ROCK1: variants seen among roughly 807,000 people sequenced by gnomAD.
The protein encoded by ROCK1 is rho-associated protein kinase 1.
ROCK1 carries 36 observed loss-of-function variants against 196.8 expected under a neutral mutation model. That is an observed-to-expected ratio of 0.18 (90% CI 0.14 to 0.24). ROCK1 has a LOEUF of 0.24. ROCK1 is among the 10% of genes least tolerant of loss of function. The pLI, the probability that ROCK1 is intolerant of heterozygous loss-of-function variation, is 1.00. For synonymous variants in ROCK1, 443 were observed against 515.9 expected, an observed-to-expected ratio of 0.86 and a Z score of 1.91; for missense variants, 920 against 1,562.0, an observed-to-expected ratio of 0.59 and a Z score of 6.93.
chr18:20,959,150 A>ATATAT (rs2035298028), intron 29 of ROCK1, among the ~76,000 whole-genome samples: 1 of 69,008 alleles, frequency 1.4e-5, no homozygotes, highest in African/African-American at 7.1e-5. Context: ...TATATAAAAT[A>ATATAT]TATATATTAT....
chr18:21,015,571 A>C, intron 12 of ROCK1, 92 bp from the exon 13 acceptor site: 1 of 798,778 alleles, frequency 1.3e-6, no homozygotes, highest in Non-Finnish European at 2.1e-6. Flanking sequence ...CCACTTAACT[A>C]GAGTTTTGTA....
intron 1 of ROCK1, among the ~76,000 whole-genome samples, chr18:21,104,142 A>T (rs1030132985): frequency 6.6e-6 from 1 of 152,218 alleles, no homozygotes; most frequent in Non-Finnish European, 1.5e-5. Flanking sequence ...TTTTTCTATC[A>T]ATTATCGTAA....
rs2035183233 is a variant in ROCK1 at position 20,951,157 on chromosome 18, T to C, written c.*227A>G. ...ATCTACCTAAGCTTTCCCCCAACTG[T>C]ACTTGCATTACATAGTAATAATTAA... On this transcript the variant is annotated 3_prime_UTR_variant, in exon 33 of 33. Coordinates refer to ENST00000399799, the MANE Select transcript of ROCK1 (RefSeq NM_005406.3). 1 of 400,094 alleles carries C rather than the reference T, an allele frequency of 2.5e-6. No individual in the cohort carries two copies. 24.8% of individuals were successfully genotyped at this position (400,094 alleles called of 1,614,324 possible).
intron 10 of ROCK1, among the ~76,000 whole-genome samples, chr18:21,025,398 T>C (rs2035947284): frequency 1.3e-5 from 2 of 152,208 alleles, no homozygotes; most frequent in South Asian, 4.1e-4. Flanking sequence ...TTCAAAATTA[T>C]GCTTACATAT....
At chr18:20,952,110 C>T (rs2035193788) in intron 32 of ROCK1, among the ~76,000 whole-genome samples, 1 of 152,150 alleles carries the variant, frequency 6.6e-6, no homozygotes, top group Non-Finnish European at 1.5e-5. Flanking sequence ...CTGCCTGGTG[C>T]GGTGGCTCAT....
intron 2 of ROCK1, among the ~76,000 whole-genome samples, chr18:21,060,767 A>T (rs1170616587): frequency 2.3e-5 from 3 of 131,516 alleles, no homozygotes. Flanking sequence ...TGAACCTGGG[A>T]GGTGGAGGTT....
rs1363696443 is a variant in ROCK1 at position 20,986,976 on chromosome 18, C to T, written c.2278G>A (p.Gly760Arg). The T allele has an allele frequency of 6.3e-7, 1 of 1,594,876 alleles. No individual in the cohort carries two copies. Among genetic ancestry groups the T allele is most frequent in the Non-Finnish European group, 8.5e-7 (1 of 1,174,106 alleles). Residue 760 changes from glycine (G) to arginine (R), a missense_variant, in exon 19 of 33, where the codon GGA becomes AGA. Physicochemically the swap from Gly to Arg is moderately radical, Grantham distance 125. Around this residue, in one of 6 missense-constraint regions of ROCK1, gnomAD observed 520 missense variants for 657.1 expected, o/e 0.79. Coordinates refer to ENST00000399799, the MANE Select transcript of ROCK1 (RefSeq NM_005406.3). ...QSQQKLEHLT[G>R]NKERMEDEVK... ...TCATCCTCCATCCTTTCTTTATTTCCAGTCAAATGTTCTAGTTTCTGCTGA... is the reference window on the plus strand; with the variant it reads ...TCATCCTCCATCCTTTCTTTATTTCTAGTCAAATGTTCTAGTTTCTGCTGA...
chr18:20,960,067 A>G (rs976058676), intron 28 of ROCK1, 69 bp downstream of exon 28: 32 of 1,179,066 alleles, frequency 2.7e-5, no homozygotes, highest in African/African-American at 1.1e-4. Flanking sequence ...AGTAGCTAAT[A>G]TAAGTTCTAT....
intron 13 of ROCK1, among the ~76,000 whole-genome samples, chr18:21,014,935 T>C (rs2035850385): frequency 6.6e-6 from 1 of 152,230 alleles, no homozygotes; most frequent in Non-Finnish European, 1.5e-5. Flanking sequence ...ATCTGAATTA[T>C]GAATGCTTGT....
At chr18:21,092,930 T>C (rs2036582948) in intron 1 of ROCK1, among the ~76,000 whole-genome samples, 1 of 152,172 alleles carries the variant, frequency 6.6e-6, no homozygotes, top group Non-Finnish European at 1.5e-5. Flanking sequence ...CGGCTGGCAA[T>C]ATTTATTTTA....
intron 1 of ROCK1, among the ~76,000 whole-genome samples, chr18:21,103,741 T>C (rs1274631369): frequency 6.6e-6 from 1 of 152,132 alleles, no homozygotes; most frequent in Non-Finnish European, 1.5e-5. Flanking sequence ...GCCAGGCCTA[T>C]CATAGAATTT....
chr18:21,097,528 C>T (rs1475064118), intron 1 of ROCK1, among the ~76,000 whole-genome samples: 1 of 152,296 alleles, frequency 6.6e-6, no homozygotes, highest in East Asian at 1.9e-4. Context: ...TATCATGATT[C>T]TCATTTTGCA....
chr18:21,044,370 C>A (rs1015894145), intron 5 of ROCK1, among the ~76,000 whole-genome samples, 184 bp from the exon 6 acceptor site: 1 of 152,088 alleles, frequency 6.6e-6, no homozygotes, highest in Admixed American at 6.6e-5. Flanking sequence ...TATGTTAATG[C>A]CTCAGAAGAA....
At chr18:21,072,018 C>G (rs1260054165) in intron 1 of ROCK1, among the ~76,000 whole-genome samples, 9 of 152,182 alleles carry the variant, frequency 5.9e-5, no homozygotes, top group Admixed American at 5.9e-4. Flanking sequence ...TCCCTATTAA[C>G]AGGAATGACC....
At chr18:20,995,354 C>T (rs1272195258) in intron 16 of ROCK1, among the ~76,000 whole-genome samples, 1 of 152,192 alleles carries the variant, frequency 6.6e-6, no homozygotes, top group Non-Finnish European at 1.5e-5. Context: ...AAGCCTCCAC[C>T]GATTGTCCTC....
At chr18:20,959,190 T>A (rs1336266390) in intron 29 of ROCK1, among the ~76,000 whole-genome samples, 1 of 68,230 alleles carries the variant, frequency 1.5e-5, no homozygotes, top group Non-Finnish European at 2.6e-5. Context: ...ATATTATATA[T>A]AATATATATA....
intron 29 of ROCK1, among the ~76,000 whole-genome samples, chr18:20,959,099 T>TATA (rs1555743152): frequency 0.051 from 995 of 19,626 alleles, 146 homozygotes; most frequent in African/African-American, 0.21. Context: ...ATATAATATA[T>TATA]ATATTATATA....
intron 14 of ROCK1, 150 bp from the exon 15 acceptor site, chr18:21,006,940 C>A (rs1351435026): frequency 5.6e-6 from 3 of 534,794 alleles, no homozygotes; most frequent in East Asian, 6.2e-5. Flanking sequence ...TTTGGAAGTA[C>A]CTGCATTTTA....
chr18:21,075,693 C>G (rs1440260810), intron 1 of ROCK1, among the ~76,000 whole-genome samples: 1 of 152,068 alleles, frequency 6.6e-6, no homozygotes, highest in African/African-American at 2.4e-5. Flanking sequence ...GTGGCTCACA[C>G]CTGAAATCCC....
Sources: gnomAD v4.1 joint callset for allele counts (sites outside exome capture counted in the v4.1 genomes callset) on GRCh38, gnomAD v4.1.1 for gene constraint, gnomAD v4.1.1 regional missense constraint, MANE v1.5 for transcripts, NCBI Gene and HGNC (gene_info 2026-07-23, HGNC 2026-07-21) for gene names.